ACVR2A: variants seen among roughly 807,000 people sequenced by gnomAD.
The protein encoded by ACVR2A is activin receptor type-2A.
A neutral mutation model predicts 61.4 loss-of-function variants in ACVR2A; 7 were observed. That is an observed-to-expected ratio of 0.11 (90% CI 0.06 to 0.21). The LOEUF (loss-of-function observed/expected upper bound fraction) is 0.21, where lower values mean the gene tolerates loss of function less well. Ranked by LOEUF, ACVR2A falls within the 10% of genes least tolerant of loss-of-function variation. The pLI is 1.00. For missense variants in ACVR2A, 322 were observed against 621.7 expected (o/e 0.52, Z 5.13); for synonymous variants, 193 against 208.3 (o/e 0.93, Z 0.63).
intron 10 of ACVR2A, 28 bp from the exon 11 acceptor site, chr2:147,927,052 G>A (rs371093791): frequency 1.2e-4 from 187 of 1,593,228 alleles, no homozygotes; most frequent in Middle Eastern, 1.7e-4. Flanking sequence ...CTGCTGTGGC[G>A]TTTGAGTATA....
intron 1 of ACVR2A, among the ~76,000 whole-genome samples, chr2:147,870,866 C>T (rs144809184): frequency 6.6e-6 from 1 of 152,162 alleles, no homozygotes; most frequent in East Asian, 1.9e-4. Flanking sequence ...CCAAATATAG[C>T]TAGAATCTTT....
intron 1 of ACVR2A, among the ~76,000 whole-genome samples, chr2:147,855,950 A>G (rs1341508528): frequency 1.3e-5 from 2 of 152,070 alleles, no homozygotes; most frequent in African/African-American, 4.8e-5. Context: ...TTCAGATGTA[A>G]TATACTATAT....
intron 1 of ACVR2A, among the ~76,000 whole-genome samples, chr2:147,858,267 T>C (rs988982639): frequency 2.0e-5 from 3 of 152,216 alleles, no homozygotes; most frequent in African/African-American, 7.2e-5. Context: ...GTTATTTTTT[T>C]CAAGGAGTAG....
At chr2:147,911,659 G>A (rs1186883047) in intron 4 of ACVR2A, among the ~76,000 whole-genome samples, 1 of 151,888 alleles carries the variant, frequency 6.6e-6, no homozygotes, top group East Asian at 1.9e-4. Context: ...CTGCTTTACT[G>A]TGCATCCTCT....
At chr2:147,865,162 T>C (rs756737257) in intron 1 of ACVR2A, among the ~76,000 whole-genome samples, 1 of 152,168 alleles carries the variant, frequency 6.6e-6, no homozygotes, top group Non-Finnish European at 1.5e-5. Flanking sequence ...AGGATAGGGA[T>C]TGTGGCCCTC....
At chr2:147,885,088 C>T (rs901409376) in intron 1 of ACVR2A, among the ~76,000 whole-genome samples, 1 of 152,060 alleles carries the variant, frequency 6.6e-6, no homozygotes, top group Non-Finnish European at 1.5e-5. Context: ...GCAAAGCCCT[C>T]TTTTTTCTTA....
intron 1 of ACVR2A, among the ~76,000 whole-genome samples, chr2:147,875,458 C>T (rs1328491473): frequency 6.6e-6 from 1 of 151,970 alleles, no homozygotes; most frequent in Non-Finnish European, 1.5e-5. Context: ...TAATCCTACA[C>T]ATAACTAATA....
At chr2:147,906,771 C>T (rs976736717) in intron 4 of ACVR2A, among the ~76,000 whole-genome samples, 2 of 149,610 alleles carry the variant, frequency 1.3e-5, no homozygotes, top group Non-Finnish European at 3.0e-5. Flanking sequence ...CATATTAACT[C>T]ATTTAATTTG....
intron 4 of ACVR2A, among the ~76,000 whole-genome samples, chr2:147,905,054 TGTG>T (rs1206856197): frequency 6.6e-6 from 1 of 152,052 alleles, no homozygotes; most frequent in African/African-American, 2.4e-5. Context: ...AATACATGCT[TGTG>T]GTATCAAGAC....
intron 9 of ACVR2A, among the ~76,000 whole-genome samples, chr2:147,925,300 A>G (rs1437062845): frequency 4.6e-5 from 7 of 152,008 alleles, no homozygotes; most frequent in African/African-American, 9.7e-5. Context: ...AGTAAGTAAT[A>G]TATGTAAAGT....
chr2:147,897,013 G>T (rs1423627294), intron 2 of ACVR2A: 4 of 127,566 alleles, frequency 3.1e-5, no homozygotes, highest in Non-Finnish European at 6.1e-5. Context: ...TACCCGAAGA[G>T]ACTTTTTATT....
chr2:147,873,464 T>C (rs548719973), intron 1 of ACVR2A, among the ~76,000 whole-genome samples: 2 of 152,078 alleles, frequency 1.3e-5, no homozygotes, highest in South Asian at 4.1e-4. Flanking sequence ...CAATTCATAT[T>C]AGCCACTTTT....
intron 1 of ACVR2A, among the ~76,000 whole-genome samples, chr2:147,882,499 C>T (rs1021486539): frequency 6.6e-5 from 10 of 152,064 alleles, no homozygotes; most frequent in African/African-American, 1.4e-4. Context: ...TGTAGTGAGC[C>T]GCTAAGATTG....
At chr2:147,848,772 A>G (rs1685379789) in intron 1 of ACVR2A, among the ~76,000 whole-genome samples, 1 of 152,144 alleles carries the variant, frequency 6.6e-6, no homozygotes, top group South Asian at 2.1e-4. Flanking sequence ...GAGTTTACCC[A>G]TGTAACAGAC....
At chr2:147,864,936 A>G (rs1475686692) in intron 1 of ACVR2A, among the ~76,000 whole-genome samples, 1 of 152,170 alleles carries the variant, frequency 6.6e-6, no homozygotes, top group Admixed American at 6.5e-5. Flanking sequence ...AAAAATACAC[A>G]TTCTGAAACT....
At chr2:147,845,340 C>T (rs1480940328) in intron 1 of ACVR2A, 133 bp downstream of exon 1, 2 of 443,880 alleles carry the variant, frequency 4.5e-6, no homozygotes, top group African/African-American at 3.9e-5. Context: ...CGCCCCTCGG[C>T]TGCCACCGCC....
At chr2:147,883,139 A>T (rs777426184) in intron 1 of ACVR2A, among the ~76,000 whole-genome samples, 10 of 152,200 alleles carry the variant, frequency 6.6e-5, no homozygotes, top group Non-Finnish European at 1.2e-4. Flanking sequence ...TATAGAAAAG[A>T]AAAGATATCA....
At chr2:147,889,753 AAAG>A (rs1167512847) in intron 1 of ACVR2A, among the ~76,000 whole-genome samples, 4 of 152,052 alleles carry the variant, frequency 2.6e-5, no homozygotes, top group African/African-American at 4.8e-5. Flanking sequence ...TCTCAAAAAA[AAAG>A]AAGTAGACTT....
At position 147,929,074 on chromosome 2, in the gene ACVR2A, G is replaced by A. The variant is rs912763184; in HGVS notation, c.*1800G>A. On this transcript the variant is annotated 3_prime_UTR_variant, in exon 11 of 11. Coordinates refer to ENST00000241416, the MANE Select transcript of ACVR2A (RefSeq NM_001616.5). The stretch of plus-strand genomic sequence containing the variant: ...TATGTTATTTATAAACAATACATAG[G>A]TCAACAGACTTTAAGCAGGGAGGAA... The A allele has an allele frequency of 6.6e-6, 1 of 152,358 alleles. No individual in the cohort carries two copies. The highest frequency in any genetic ancestry group is 1.5e-5 in the Non-Finnish European group (1 of 67,944). The allele number at this position is 152,358 out of a possible 1,614,324, so 9.4% of individuals were successfully genotyped here. A position where few individuals can be genotyped will look rare whatever the true frequency, so the allele number is the denominator to read the frequency against.
Sources: allele counts gnomAD v4.1 joint callset (sites outside exome capture counted in the v4.1 genomes callset), GRCh38; gene constraint gnomAD v4.1.1; transcripts MANE v1.5; gene names NCBI Gene and HGNC (gene_info 2026-07-23, HGNC 2026-07-21).